The following CNGB3 variants were observed in gnomAD, a reference collection of about 807,000 sequenced individuals.
CNGB3 encodes cyclic nucleotide gated channel subunit beta 3.
Under a neutral mutation model 92.8 loss-of-function variants are expected in CNGB3, and 86 were observed. The ratio of observed to expected loss-of-function variants is 0.93; its 90% CI spans 0.78 to 1.11. The LOEUF is 1.11. CNGB3 is among the 50% of genes least tolerant of loss of function. The probability of loss-of-function intolerance (pLI) is 0.00; values close to 1 mark genes in which losing one functional copy is unlikely to be tolerated. For missense variants in CNGB3, 1,026 were observed against 956.8 expected (o/e 1.07, Z -0.95); for synonymous variants, 333 against 332.7 (o/e 1.00, Z -0.01).
intron 14 of CNGB3, among the ~76,000 whole-genome samples, chr8:86,609,286 A>G (rs1380108673): frequency 6.6e-6 from 1 of 152,198 alleles, no homozygotes; most frequent in Non-Finnish European, 1.5e-5. Context: ...GGTGCATTAA[A>G]GTCATGTCAT....
chr8:86,670,828 G>C lies in CNGB3; in HGVS notation c.493+116C>G, dbSNP rs1437459750. On this transcript the variant is annotated intron_variant, in intron 4 of 17. Transcript: ENST00000320005. ...TCCTGGATTACTCTCAAAATAAACT[G>C]TACGTAAATCATTTTCTCAGGGTCT... 3 of 1,103,714 alleles carry C rather than the reference G, an allele frequency of 2.7e-6. No homozygotes were observed. The Admixed American group carries it at 5.1e-5, about 19-fold the overall frequency. 68.4% of individuals were successfully genotyped at this position (1,103,714 alleles called of 1,614,324 possible). A position where few individuals can be genotyped will look rare whatever the true frequency, so the allele number is the denominator to read the frequency against.
chr8:86,695,847 T>G (rs1824439276), intron 3 of CNGB3, among the ~76,000 whole-genome samples: 1 of 152,200 alleles, frequency 6.6e-6, no homozygotes, highest in Non-Finnish European at 1.5e-5. Flanking sequence ...AATCCCTTGA[T>G]TTGGTGCTCT....
Position 86,737,589 on chromosome 8 carries a change from C to T in CNGB3, c.211+2066G>A, listed in dbSNP as rs76103074. ...TTTGGAATTATTTAAAAATTAAAAA[C>T]GTAAAAAACCTTTTAGGTTCAGGAG... On this transcript the variant is annotated intron_variant, in intron 2 of 17. Transcript: ENST00000320005. 2.8e-3 allele frequency among the ~76,000 whole-genome samples: 421 copies of T among 151,556 alleles called. 4 individuals carry two copies. The East Asian group carries it at 0.042, about 15-fold the overall frequency.
At chr8:86,589,406 C>T (rs1408278254) in intron 15 of CNGB3, among the ~76,000 whole-genome samples, 7 of 150,694 alleles carry the variant, frequency 4.6e-5, no homozygotes, top group Non-Finnish European at 8.9e-5. Flanking sequence ...GCTCTTGCTT[C>T]TCTAGTTCTT....
intron 10 of CNGB3, among the ~76,000 whole-genome samples, chr8:86,634,725 T>C (rs1224065961): frequency 6.6e-6 from 1 of 151,442 alleles, no homozygotes; most frequent in Non-Finnish European, 1.5e-5. Flanking sequence ...GAGCTTTTAT[T>C]TCTTATCTAG....
At chr8:86,615,199 G>A (rs1202779830) in intron 13 of CNGB3, among the ~76,000 whole-genome samples, 4 of 152,132 alleles carry the variant, frequency 2.6e-5, no homozygotes, top group Admixed American at 6.5e-5. Context: ...ATACCATGGG[G>A]TAGACTATAT....
chr8:86,688,076 T>C (rs777153129), intron 3 of CNGB3, among the ~76,000 whole-genome samples: 11 of 151,828 alleles, frequency 7.2e-5, no homozygotes, highest in Non-Finnish European at 1.3e-4. Context: ...GTTTAAGAAA[T>C]GGAGAGTACT....
chr8:86,668,110 G>A lies in CNGB3; in HGVS notation c.552C>T (p.Tyr184=), dbSNP rs1294340795. The part of the protein sequence containing the change: ...KESDDKPTEH[Y]YRLLWFKVKK... ...TGACTTTGAACCACAACAGCCTGTA[G>A]TAATGTTCTGTTGGCTTATCATCGC... is the stretch of plus-strand genomic sequence containing the variant. The change falls in exon 5 of 18, where the codon TAC becomes TAT. Residue 184 remains tyrosine (Y), a synonymous_variant. Coordinates refer to ENST00000320005, the MANE Select transcript of CNGB3 (RefSeq NM_019098.5). The A allele has an allele frequency of 1.9e-6, 3 of 1,613,674 alleles. No homozygotes were observed. Among genetic ancestry groups the A allele is most frequent in the South Asian group, 1.1e-5 (1 of 91,054 alleles).
intron 15 of CNGB3, among the ~76,000 whole-genome samples, chr8:86,596,394 C>A (rs911422720): frequency 7.9e-5 from 12 of 151,934 alleles, no homozygotes; most frequent in African/African-American, 2.9e-4. Flanking sequence ...GGGAATTAAA[C>A]CTCAAATAAA....
chr8:86,583,056 CA>C (rs1196592316), intron 15 of CNGB3, among the ~76,000 whole-genome samples: 1 of 151,824 alleles, frequency 6.6e-6, no homozygotes, highest in Non-Finnish European at 1.5e-5. Context: ...TGTCCACCAC[CA>C]TGCCTGGCTA....
intron 8 of CNGB3, among the ~76,000 whole-genome samples, chr8:86,647,310 A>G (rs1823307911): frequency 6.6e-6 from 1 of 151,000 alleles, no homozygotes; most frequent in East Asian, 1.9e-4. Context: ...ATGTGAAAGT[A>G]TGTGCTCACA....
At chr8:86,688,978 G>T (rs1402716482) in intron 3 of CNGB3, among the ~76,000 whole-genome samples, 11 of 150,382 alleles carry the variant, frequency 7.3e-5, no homozygotes, top group Admixed American at 6.0e-4. Context: ...ACGGGTCTTG[G>T]TATGTTGTGT....
rs776684960 is a variant in CNGB3 at position 86,575,900 on chromosome 8, C to G, written c.2334G>C (p.Gly778=). The G allele has an allele frequency of 2.5e-6, 4 of 1,613,328 alleles. No individual in the cohort carries two copies. The highest frequency in any genetic ancestry group is 3.4e-6 in the Non-Finnish European group (4 of 1,179,804). Residue 778 remains glycine, a synonymous_variant, in exon 18 of 18, where the codon GGG becomes GGC. Transcript: ENST00000320005. The part of the protein sequence containing the change: ...HSVRRTVLPR[G]TSRQSLIISM... ...TGATAATGAGTGATTGACGAGAAGT[C>G]CCTCTGGGTAAAACTGTCCTTCTAA...
At chr8:86,721,462 T>C (rs964376950) in intron 3 of CNGB3, among the ~76,000 whole-genome samples, 1 of 151,806 alleles carries the variant, frequency 6.6e-6, no homozygotes, top group South Asian at 2.1e-4. Context: ...TTGGGTACAG[T>C]GTTCTCTGCT....
intron 3 of CNGB3, among the ~76,000 whole-genome samples, chr8:86,717,821 A>G (rs1824890618): frequency 1.3e-5 from 2 of 152,144 alleles, no homozygotes; most frequent in South Asian, 4.1e-4. Context: ...ACTCTTTCAG[A>G]TCACAGTGGA....
intron 2 of CNGB3, among the ~76,000 whole-genome samples, chr8:86,733,491 T>C (rs1825194065): frequency 6.6e-6 from 1 of 152,218 alleles, no homozygotes; most frequent in Non-Finnish European, 1.5e-5. Context: ...AGAATGGTAG[T>C]TCTGTTTTAA....
chr8:86,658,122 C>G, intron 6 of CNGB3: 1 of 532,482 alleles, frequency 1.9e-6, no homozygotes, highest in East Asian at 4.1e-5. Context: ...CGCCTCCAGT[C>G]CCTGGGACTA....
chr8:86,630,085 G>A (rs1297824379), intron 11 of CNGB3, among the ~76,000 whole-genome samples: 3 of 152,006 alleles, frequency 2.0e-5, no homozygotes, highest in Non-Finnish European at 4.4e-5. Flanking sequence ...TCCATTTTTA[G>A]AGCCAAAAAA....
intron 6 of CNGB3, chr8:86,660,332 A>G (rs1421674837): frequency 2.7e-6 from 1 of 371,988 alleles, no homozygotes; most frequent in African/African-American, 2.1e-5. Flanking sequence ...TATCAGCACG[A>G]TCCTGGCAAC....
Sources: allele counts gnomAD v4.1 joint callset (sites outside exome capture counted in the v4.1 genomes callset), GRCh38; gene constraint gnomAD v4.1.1; transcripts MANE v1.5; gene names NCBI Gene and HGNC (gene_info 2026-07-23, HGNC 2026-07-21).